The following ERICH1 variants were observed in gnomAD, a reference collection of about 807,000 sequenced individuals.
ERICH1 encodes glutamate-rich protein 1.
Under a neutral mutation model 39.6 loss-of-function variants are expected in ERICH1, and 56 were observed. The observed-to-expected ratio is 1.41, with a 90% CI of 1.14 to 1.77. The LOEUF (loss-of-function observed/expected upper bound fraction) is 1.77. Among genes scored for constraint, ERICH1 ranks in the 40% most tolerant of loss-of-function variants. The pLI is 0.00. For missense variants in ERICH1, 826 were observed against 575.4 expected (o/e 1.44, Z -4.45); for synonymous variants, 313 against 223.6 (o/e 1.40, Z -3.57).
intron 1 of ERICH1, among the ~76,000 whole-genome samples, chr8:727,417 A>G (rs952090391): frequency 3.3e-5 from 5 of 152,210 alleles, no homozygotes; most frequent in African/African-American, 1.2e-4. Flanking sequence ...AGAAACCAGA[A>G]GATGACAGGG....
At chr8:669,933 C>A (rs1049591860) in intron 4 of ERICH1, among the ~76,000 whole-genome samples, 7 of 152,180 alleles carry the variant, frequency 4.6e-5, no homozygotes, top group African/African-American at 1.7e-4. Context: ...TGTCCTGTAA[C>A]AATGGTGTAA....
intron 3 of ERICH1, among the ~76,000 whole-genome samples, chr8:655,414 T>C (rs117838569): frequency 0.011 from 1,694 of 152,350 alleles, 12 homozygotes; most frequent in Non-Finnish European, 0.018. Context: ...TCACTCGTTT[T>C]TGTTTGCCCG....
intron 3 of ERICH1, among the ~76,000 whole-genome samples, chr8:642,147 G>T (rs888506778): frequency 2.0e-5 from 3 of 152,116 alleles, no homozygotes; most frequent in African/African-American, 7.2e-5. Context: ...TTCTTCACAA[G>T]CTCTGCTTGG....
chr8:626,328 G>C (rs1023934132), intron 3 of ERICH1: 1 of 152,302 alleles, frequency 6.6e-6, no homozygotes, highest in South Asian at 2.1e-4. Context: ...GGAACTTATG[G>C]CTTGAAAGGG....
intron 3 of ERICH1, 126 bp downstream of exon 3, chr8:692,352 A>G (rs1050705226): frequency 2.9e-5 from 39 of 1,333,266 alleles, no homozygotes; most frequent in Middle Eastern, 4.0e-4. Flanking sequence ...TTCATTATAC[A>G]GTGTAACAAC....
chr8:629,847 C>T (rs1321736469), intron 3 of ERICH1, among the ~76,000 whole-genome samples: 52 of 112,964 alleles, frequency 4.6e-4, no homozygotes, highest in African/African-American at 1.1e-3. Context: ...CACACCCTCC[C>T]GTGACCACCC....
downstream of ERICH1, among the ~76,000 whole-genome samples, chr8:661,654 T>C (rs189999547): frequency 2.2e-3 from 336 of 152,354 alleles, 1 homozygote; most frequent in African/African-American, 7.6e-3. Context: ...AAACAGATTA[T>C]CATATCTATG....
chr8:727,310 C>G (rs1300919818), intron 1 of ERICH1, among the ~76,000 whole-genome samples: 1 of 152,232 alleles, frequency 6.6e-6, no homozygotes, highest in Non-Finnish European at 1.5e-5. Context: ...TCCCGGACTA[C>G]CAGAGCTGCA....
At chr8:692,314 C>T (rs1385589830) in intron 3 of ERICH1, among the ~76,000 whole-genome samples, 164 bp downstream of exon 3, 1 of 152,174 alleles carries the variant, frequency 6.6e-6, no homozygotes, top group African/African-American at 2.4e-5. Flanking sequence ...CTTTTCACGG[C>T]TATAAAATAC....
At chr8:693,340 G>A (rs774779841) in intron 2 of ERICH1, among the ~76,000 whole-genome samples, 4 of 152,208 alleles carry the variant, frequency 2.6e-5, no homozygotes, top group Non-Finnish European at 5.9e-5. Flanking sequence ...TATCTTACAT[G>A]TAAAATATAA....
At chr8:719,837 T>G (rs185688562) in intron 1 of ERICH1, among the ~76,000 whole-genome samples, 1 of 152,342 alleles carries the variant, frequency 6.6e-6, no homozygotes, top group African/African-American at 2.4e-5. Flanking sequence ...TGTCCGGATA[T>G]ACTTTGTTGC....
chr8:682,621 G>C (rs141491182), intron 3 of ERICH1, among the ~76,000 whole-genome samples: 1 of 152,174 alleles, frequency 6.6e-6, no homozygotes, highest in African/African-American at 2.4e-5. Context: ...GGAGCAGTGC[G>C]CTTTGAAAAG....
At chr8:670,136 T>C (rs745513204) in intron 4 of ERICH1, among the ~76,000 whole-genome samples, 3 of 152,190 alleles carry the variant, frequency 2.0e-5, no homozygotes, top group Non-Finnish European at 4.4e-5. Context: ...TTCTCTTTTA[T>C]ACCAACTCTC....
At chr8:726,707 TAC>T (rs899432669) in intron 1 of ERICH1, among the ~76,000 whole-genome samples, 3 of 146,660 alleles carry the variant, frequency 2.0e-5, no homozygotes, top group South Asian at 4.3e-4. Flanking sequence ...CACACACATG[TAC>T]ACACACAGGC....
At chr8:622,789 TA>T (rs1797364190) in intron 3 of ERICH1, among the ~76,000 whole-genome samples, 1 of 151,786 alleles carries the variant, frequency 6.6e-6, no homozygotes. Context: ...CGTGTCTCTA[TA>T]AAAAAATTTT....
chr8:729,010 G>C (rs557349388), intron 1 of ERICH1, among the ~76,000 whole-genome samples: 1 of 152,128 alleles, frequency 6.6e-6, no homozygotes, highest in Non-Finnish European at 1.5e-5. Context: ...GGCCAGGCAG[G>C]GGAGAGTATG....
chr8:634,386 G>A (rs914238299), intron 3 of ERICH1, among the ~76,000 whole-genome samples: 2 of 152,158 alleles, frequency 1.3e-5, no homozygotes, highest in Non-Finnish European at 2.9e-5. Context: ...TGGCGGGAAT[G>A]TGAAATGGTG....
intron 3 of ERICH1, among the ~76,000 whole-genome samples, chr8:627,552 C>T (rs1040251985): frequency 1.3e-5 from 2 of 152,202 alleles, no homozygotes; most frequent in Non-Finnish European, 2.9e-5. Context: ...AGTGCCTTCC[C>T]AGAACCATGT....
chr8:729,852 AT>A (rs1430960842), intron 1 of ERICH1, among the ~76,000 whole-genome samples: 1 of 152,176 alleles, frequency 6.6e-6, no homozygotes, highest in Non-Finnish European at 1.5e-5. Context: ...TACAGATGCT[AT>A]AATAATTTCT....
Sources: gnomAD v4.1 joint callset for allele counts (sites outside exome capture counted in the v4.1 genomes callset) on GRCh38, gnomAD v4.1.1 for gene constraint, MANE v1.5 for transcripts, NCBI Gene and HGNC (gene_info 2026-07-23, HGNC 2026-07-21) for gene names.